The following MSI2 variants were observed in gnomAD, a reference collection of about 807,000 sequenced individuals.
The protein encoded by MSI2 is RNA-binding protein Musashi homolog 2.
MSI2 carries 17 observed loss-of-function variants against 45.6 expected under a neutral mutation model. The observed-to-expected ratio is 0.37, with a 90% CI of 0.26 to 0.56. The LOEUF (loss-of-function observed/expected upper bound fraction) is 0.56, where lower values mean the gene tolerates loss of function less well. Ranked by LOEUF, MSI2 falls within the 20% of genes least tolerant of loss-of-function variation. MSI2 has a pLI of 0.77. For missense variants in MSI2, 293 were observed against 444.2 expected, an observed-to-expected ratio of 0.66 and a Z score of 3.06; for synonymous variants, 156 against 158.2, an observed-to-expected ratio of 0.99 and a Z score of 0.11.
At chr17:57,467,413 G>A (rs552491155) in intron 6 of MSI2, among the ~76,000 whole-genome samples, 1 of 152,340 alleles carries the variant, frequency 6.6e-6, no homozygotes, top group East Asian at 1.9e-4. Flanking sequence ...GATGTAGGCT[G>A]GATGTGTAGA....
intron 7 of MSI2, among the ~76,000 whole-genome samples, chr17:57,566,431 C>T (rs915236086): frequency 5.1e-4 from 77 of 152,068 alleles, no homozygotes; most frequent in African/African-American, 1.8e-3. Context: ...AAGACAGTAC[C>T]ACATATCAAA....
chr17:57,534,548 C>T (rs2086884112), intron 7 of MSI2, among the ~76,000 whole-genome samples: 1 of 152,080 alleles, frequency 6.6e-6, no homozygotes, highest in Non-Finnish European at 1.5e-5. Context: ...CCTGTCTCTA[C>T]TAAAAATACA....
At chr17:57,638,452 G>A (rs1435868238) in intron 10 of MSI2, among the ~76,000 whole-genome samples, 1 of 152,232 alleles carries the variant, frequency 6.6e-6, no homozygotes. Context: ...CCCACGTGCG[G>A]CCAGATGTGT....
At chr17:57,385,138 T>A (rs2083663504) in intron 5 of MSI2, among the ~76,000 whole-genome samples, 1 of 152,204 alleles carries the variant, frequency 6.6e-6, no homozygotes. Context: ...ACAGGCTCTA[T>A]TTTCAACCTC....
intron 5 of MSI2, among the ~76,000 whole-genome samples, chr17:57,397,622 C>T (rs920286156): frequency 6.6e-6 from 1 of 152,210 alleles, no homozygotes; most frequent in Non-Finnish European, 1.5e-5. Context: ...CTCTGCCTCT[C>T]GTGTCCCTCA....
chr17:57,634,803 A>G (rs1909718193), intron 10 of MSI2, among the ~76,000 whole-genome samples: 2 of 152,318 alleles, frequency 1.3e-5, no homozygotes, highest in Non-Finnish European at 2.9e-5. Context: ...CTCTACTCTC[A>G]TTCTACTCTC....
chr17:57,448,811 C>T (rs1362671005), intron 6 of MSI2: 1 of 152,144 alleles, frequency 6.6e-6, no homozygotes, highest in Non-Finnish European at 1.5e-5. Context: ...ATGACGACAC[C>T]AGCCACTTAC....
chr17:57,497,223 T>G (rs1315014546), intron 6 of MSI2, among the ~76,000 whole-genome samples: 1 of 152,242 alleles, frequency 6.6e-6, no homozygotes, highest in African/African-American at 2.4e-5. Context: ...GTGATCCACC[T>G]GCCTTGGCCT....
intron 12 of MSI2, among the ~76,000 whole-genome samples, chr17:57,675,834 A>G (rs535448223): frequency 6.6e-6 from 1 of 152,362 alleles, no homozygotes; most frequent in East Asian, 1.9e-4. Context: ...CTGTGGTTCT[A>G]TAATCTGACT....
intron 7 of MSI2, among the ~76,000 whole-genome samples, chr17:57,531,063 G>A (rs2086811805): frequency 6.6e-6 from 1 of 152,114 alleles, no homozygotes; most frequent in South Asian, 2.1e-4. Context: ...GCATTGCTGG[G>A]GAGTGAGAGC....
chr17:57,496,858 C>A (rs1230604820), intron 6 of MSI2, among the ~76,000 whole-genome samples: 2 of 152,224 alleles, frequency 1.3e-5, no homozygotes, highest in Non-Finnish European at 2.9e-5. Context: ...CATTATCCAC[C>A]TGCTAGGTGT....
chr17:57,580,515 C>T (rs1161712785), intron 7 of MSI2, among the ~76,000 whole-genome samples: 1 of 152,248 alleles, frequency 6.6e-6, no homozygotes, highest in Non-Finnish European at 1.5e-5. Flanking sequence ...CCAGTCCTGG[C>T]TTCCAGTGCT....
intron 5 of MSI2, among the ~76,000 whole-genome samples, chr17:57,308,107 G>A (rs1912067873): frequency 1.3e-5 from 2 of 152,162 alleles, no homozygotes; most frequent in Admixed American, 1.3e-4. Flanking sequence ...CCCCACCATT[G>A]ATTAGCTGTT....
chr17:57,687,068 G>T (rs1056229134), downstream of MSI2, among the ~76,000 whole-genome samples: 1 of 151,248 alleles, frequency 6.6e-6, no homozygotes, highest in African/African-American at 2.4e-5. Flanking sequence ...TTATAACTGT[G>T]TACAAATTAA....
chr17:57,288,210 CAG>C (rs1422577620), intron 5 of MSI2, among the ~76,000 whole-genome samples: 2 of 152,182 alleles, frequency 1.3e-5, no homozygotes, highest in Non-Finnish European at 2.9e-5. Flanking sequence ...TGGGAACAGA[CAG>C]AACTTTCTGT....
intron 11 of MSI2, among the ~76,000 whole-genome samples, chr17:57,653,879 G>T (rs2144691513): frequency 6.6e-6 from 1 of 151,128 alleles, no homozygotes; most frequent in South Asian, 2.1e-4. Flanking sequence ...CCAGAGCCAG[G>T]TGGGAGTCCC....
chr17:57,461,954 A>G (rs1427323023), intron 6 of MSI2, among the ~76,000 whole-genome samples: 1 of 152,126 alleles, frequency 6.6e-6, no homozygotes, highest in African/African-American at 2.4e-5. Flanking sequence ...CTGCCATAAC[A>G]AAGTACCACA....
intron 7 of MSI2, among the ~76,000 whole-genome samples, chr17:57,543,764 G>A (rs2087104578): frequency 6.6e-6 from 1 of 152,114 alleles, no homozygotes; most frequent in African/African-American, 2.4e-5. Flanking sequence ...TTCAAAAATG[G>A]GTAAGATTTA....
chr17:57,594,487 T>G (rs1905103316), intron 7 of MSI2, among the ~76,000 whole-genome samples: 1 of 152,096 alleles, frequency 6.6e-6, no homozygotes. Context: ...AAACTGAAAG[T>G]GCTTAAAGGA....
Sources: gnomAD v4.1 joint callset for allele counts (sites outside exome capture counted in the v4.1 genomes callset) on GRCh38, gnomAD v4.1.1 for gene constraint, MANE v1.5 for transcripts, NCBI Gene and HGNC (gene_info 2026-07-23, HGNC 2026-07-21) for gene names.